Variants in PLAC1 observed in about 807,000 individuals in gnomAD.
PLAC1 encodes the protein placenta-specific protein 1.
For missense variants in PLAC1, 136 were observed against 163.2 expected, an observed-to-expected ratio of 0.83 and a Z score of 0.91; for synonymous variants, 68 against 62.1, an observed-to-expected ratio of 1.09 and a Z score of -0.44.
At chrX:134,611,107 TG>T (rs2078150237) in intron 1 of PLAC1, among the ~76,000 whole-genome samples, 2 of 111,030 alleles carry the variant, frequency 1.8e-5, no homozygotes, top group South Asian at 7.7e-4. Flanking sequence ...CTCGAACTCC[TG>T]GGCTCAAGTG....
intron 1 of PLAC1, among the ~76,000 whole-genome samples, chrX:134,762,545 G>A (rs1386958071): frequency 9.0e-6 from 1 of 110,958 alleles, no homozygotes; most frequent in Non-Finnish European, 1.9e-5. Context: ...AACTAGGGCC[G>A]GGCACGGTGG....
intron 2 of PLAC1, among the ~76,000 whole-genome samples, chrX:134,586,839 T>TTGTGTGTGTGTG (rs757041226): frequency 0.24 from 18,136 of 76,356 alleles, 2,430 homozygotes; most frequent in Admixed American, 0.34. Flanking sequence ...CCCAGCTAAT[T>TTGTGTGTGTGTG]TGTGTGTGTG....
At position 134,726,343 on chromosome X, in the gene PLAC1, C is replaced by T. The variant is rs2078673993; in HGVS notation, n.174+7092G>A. On this transcript the variant is annotated intron_variant and non_coding_transcript_variant, in intron 2 of 2. Coordinates refer to the PLAC1 transcript ENST00000466797. Reference sequence around the variant, plus strand: ...GAGGGGTCTCCTTGCAGATCCAGCTCCCTGGCCTTCCCTCAGTCACACTTC... The same window carrying T: ...GAGGGGTCTCCTTGCAGATCCAGCTTCCTGGCCTTCCCTCAGTCACACTTC... Among the ~76,000 whole-genome samples the T allele has an allele frequency of 2.7e-5, 3 of 111,444 alleles. No homozygotes were observed. The South Asian group carries it at 1.1e-3, about 42-fold the overall frequency.
chrX:134,604,013 C>T (rs1338719882), intron 1 of PLAC1, among the ~76,000 whole-genome samples: 3 of 112,504 alleles, frequency 2.7e-5, no homozygotes, highest in Non-Finnish European at 5.6e-5. Flanking sequence ...CTAAAAGATT[C>T]ACTTGGAATG....
At chrX:134,633,018 C>A (rs1030251783) in intron 1 of PLAC1, among the ~76,000 whole-genome samples, 3 of 112,066 alleles carry the variant, frequency 2.7e-5, no homozygotes, top group African/African-American at 9.7e-5. Flanking sequence ...ATTCAACATA[C>A]ATCTACTCTC....
At chrX:134,589,954 G>A (rs1602808856) in intron 2 of PLAC1, among the ~76,000 whole-genome samples, 2 of 111,004 alleles carry the variant, frequency 1.8e-5, no homozygotes, top group African/African-American at 6.5e-5. Context: ...CCAGCACTTT[G>A]GGAGGCCAAG....
At chrX:134,704,667 G>A (rs1021732928) in intron 2 of PLAC1, among the ~76,000 whole-genome samples, 1 of 102,855 alleles carries the variant, frequency 9.7e-6, no homozygotes, top group African/African-American at 3.5e-5. Context: ...TATATTATAT[G>A]AAATATAATA....
chrX:134,666,787 G>C (rs1033893035), intron 2 of PLAC1, among the ~76,000 whole-genome samples: 9 of 111,795 alleles, frequency 8.1e-5, no homozygotes, highest in African/African-American at 2.9e-4. Context: ...TTCTGGGTGT[G>C]CTAGGCTGAG....
At chrX:134,605,701 G>A (rs1457170371) in intron 1 of PLAC1, 1 of 112,184 alleles carries the variant, frequency 8.9e-6, no homozygotes, top group Non-Finnish European at 1.9e-5. Flanking sequence ...TGCAAAGAGA[G>A]ACTGTGCCCA....
intron 2 of PLAC1, among the ~76,000 whole-genome samples, chrX:134,601,327 T>G (rs1370409014): frequency 8.9e-6 from 1 of 112,363 alleles, no homozygotes; most frequent in Non-Finnish European, 1.9e-5. Flanking sequence ...GTATTTGTAT[T>G]TTTTTGTGCA....
intron 2 of PLAC1, among the ~76,000 whole-genome samples, chrX:134,665,120 GTGTT>G (rs1333171258): frequency 1.4e-4 from 15 of 109,701 alleles, no homozygotes; most frequent in Non-Finnish European, 5.7e-5. Context: ...GTGTGTGTGT[GTGTT>G]TGTGTGTATG....
At chrX:134,719,897 T>G (rs973740005) in intron 2 of PLAC1, among the ~76,000 whole-genome samples, 1 of 111,751 alleles carries the variant, frequency 8.9e-6, no homozygotes, top group African/African-American at 3.2e-5. Context: ...AACATCAAAT[T>G]TAATGGTATA....
intron 2 of PLAC1, among the ~76,000 whole-genome samples, chrX:134,712,855 C>T (rs925452707): frequency 9.9e-5 from 11 of 111,658 alleles, no homozygotes; most frequent in African/African-American, 3.6e-4. Flanking sequence ...CTTGGGGAAT[C>T]CGCAGCTATT....
chrX:134,587,865 G>A (rs2078013631), intron 2 of PLAC1, among the ~76,000 whole-genome samples: 1 of 112,222 alleles, frequency 8.9e-6, no homozygotes, highest in African/African-American at 3.2e-5. Context: ...GGCAGTGCGG[G>A]AAGGGGACAG....
chrX:134,641,062 T>C (rs1011107712), intron 1 of PLAC1, among the ~76,000 whole-genome samples: 3 of 111,699 alleles, frequency 2.7e-5, no homozygotes, highest in African/African-American at 9.8e-5. Context: ...CTGGGCAACA[T>C]AGTGAGACCC....
intron 1 of PLAC1, among the ~76,000 whole-genome samples, chrX:134,741,391 A>G (rs1602946660): frequency 8.9e-6 from 1 of 112,174 alleles, no homozygotes; most frequent in Non-Finnish European, 1.9e-5. Context: ...GCAAACATCT[A>G]ATTTTCATAC....
chrX:134,642,264 A>G (rs1433379578), intron 1 of PLAC1, among the ~76,000 whole-genome samples: 1 of 112,075 alleles, frequency 8.9e-6, no homozygotes, highest in African/African-American at 3.2e-5. Flanking sequence ...TCAAGAAACT[A>G]AAGCTACCAA....
At chrX:134,733,939 G>A (rs1233602717) in intron 1 of PLAC1, among the ~76,000 whole-genome samples, 2 of 111,940 alleles carry the variant, frequency 1.8e-5, no homozygotes, top group Admixed American at 9.5e-5. Flanking sequence ...GCAAGCTTTA[G>A]GACCCTGTCT....
At chrX:134,706,902 T>C (rs1193140842) in intron 2 of PLAC1, among the ~76,000 whole-genome samples, 1 of 111,873 alleles carries the variant, frequency 8.9e-6, no homozygotes, top group Non-Finnish European at 1.9e-5. Context: ...CTGAAAAATA[T>C]GTATGAACAG....
Sources: allele counts gnomAD v4.1 joint callset (sites outside exome capture counted in the v4.1 genomes callset), GRCh38; gene constraint gnomAD v4.1.1; transcripts MANE v1.5; gene names NCBI Gene and HGNC (gene_info 2026-07-23, HGNC 2026-07-21).